The following NAV1 variants were observed in gnomAD, a reference collection of about 807,000 sequenced individuals.
NAV1 encodes neuron navigator 1, also known as pore membrane and/or filament interacting like protein 3.
A neutral mutation model predicts 175.2 loss-of-function variants in NAV1; 18 were observed. The observed-to-expected ratio is 0.10, with a 90% confidence interval of 0.07 to 0.15. The LOEUF is 0.15. Among genes scored for constraint, NAV1 ranks in the 10% least tolerant of loss-of-function variants. NAV1 has a pLI of 1.00. For missense variants in NAV1, 1,731 were observed against 2,436.6 expected (o/e 0.71, Z 6.10); for synonymous variants, 897 against 978.7 (o/e 0.92, Z 1.56).
intron 3 of NAV1, among the ~76,000 whole-genome samples, chr1:201,761,408 C>A (rs928207468): frequency 2.6e-5 from 4 of 152,188 alleles, no homozygotes; most frequent in Admixed American, 1.3e-4. Context: ...TTCACACCAG[C>A]AGTCTGGCCT....
At chr1:201,756,809 C>CT (rs1491290809) in intron 3 of NAV1, among the ~76,000 whole-genome samples, 36 of 27,004 alleles carry the variant, frequency 1.3e-3, no homozygotes, top group African/African-American at 3.0e-3. Context: ...TCTTTCTTTC[C>CT]TTCTTTCTTT....
chr1:201,631,707 T>G, intron 2 of NAV1, among the ~76,000 whole-genome samples: 1 of 152,376 alleles, frequency 6.6e-6, no homozygotes, highest in South Asian at 2.1e-4. Flanking sequence ...ATCCCATTTA[T>G]AGAAGGATAA....
At chr1:201,721,059 C>T (rs1434561588) in intron 3 of NAV1, among the ~76,000 whole-genome samples, 1 of 151,956 alleles carries the variant, frequency 6.6e-6, no homozygotes, top group African/African-American at 2.4e-5. Context: ...TGTGTGTTCC[C>T]GAATCCATTT....
rs1162794675 is a variant in NAV1 at position 201,784,567 on chromosome 1, C to CAATTTTTT, written c.2804+715_2804+716insAATTTTTT. Among the ~76,000 whole-genome samples, 5 of 109,730 alleles carry CAATTTTTT rather than the reference C, an allele frequency of 4.6e-5. 1 individual carries two copies. The highest frequency in any genetic ancestry group is 3.2e-5 in the African/African-American group (1 of 31,396). 72.0% of individuals were successfully genotyped at this position (109,730 alleles called of 152,430 possible). On this transcript the variant is annotated intron_variant, in intron 7 of 29. Coordinates refer to ENST00000367296, the Ensembl canonical transcript of NAV1. ...TAGTTTTTACCTACCATAATACGAT[C>CAATTTTTT]TATTTTTTTTTTTTTTTTGAGATGG...
chr1:201,764,348 C>G (rs528453252), intron 3 of NAV1, among the ~76,000 whole-genome samples: 40 of 152,260 alleles, frequency 2.6e-4, no homozygotes, highest in African/African-American at 7.9e-4. Flanking sequence ...ATCAAGGTGC[C>G]ATCTGGGTTG....
intron 3 of NAV1, chr1:201,739,870 A>G: frequency 7.8e-7 from 1 of 1,283,992 alleles, no homozygotes. Context: ...GGTGGTGGGG[A>G]GAAAAGGGAG....
intron 3 of NAV1, among the ~76,000 whole-genome samples, chr1:201,778,615 G>A (rs933023254): frequency 1.3e-5 from 2 of 152,268 alleles, no homozygotes; most frequent in Non-Finnish European, 2.9e-5. Flanking sequence ...ATTCAATAAC[G>A]GCTATATTTC....
chr1:201,763,513 AGGGGAAAGACT>A (rs1657850305), intron 3 of NAV1, among the ~76,000 whole-genome samples: 1 of 152,152 alleles, frequency 6.6e-6, no homozygotes, highest in Non-Finnish European at 1.5e-5. Context: ...GAAGTACAGG[AGGGGAAAGACT>A]TGGGGCAGAC....
chr1:201,725,748 G>A (rs1672580025), intron 3 of NAV1, among the ~76,000 whole-genome samples: 2 of 152,080 alleles, frequency 1.3e-5, no homozygotes, highest in African/African-American at 4.8e-5. Flanking sequence ...TTGAGACCAG[G>A]AGTTCAAGAC....
rs1665426987 is a variant in NAV1 at position 201,539,143 on chromosome 1, C to T, written c.-343C>T. On this transcript the variant is annotated 5_prime_UTR_variant, in exon 1 of 34. Coordinates refer to the NAV1 transcript ENST00000685211. This position sits in a 1 kb window ranked among gnomAD's most constrained non-coding sequence, Gnocchi z 5.6. ...TCCCTCCTCATTGTGGGGCCGGGGC[C>T]GGCGGCTGCCCTAGTGCGGGGCCCG... 6.6e-6 allele frequency among the ~76,000 whole-genome samples: 1 copy of T among 152,178 alleles called. No individual in the cohort carries two copies. Among genetic ancestry groups the T allele is most frequent in the Admixed American group, 6.5e-5 (1 of 15,284 alleles).
chr1:201,814,936 G>C (rs774024267), intron 28 of NAV1, among the ~76,000 whole-genome samples: 16 of 151,358 alleles, frequency 1.1e-4, no homozygotes, highest in Non-Finnish European at 2.2e-4. Flanking sequence ...CTACTCGGGA[G>C]GCTGAGGCAG....
intron 2 of NAV1, among the ~76,000 whole-genome samples, chr1:201,614,625 A>G (rs1667950462): frequency 6.6e-6 from 1 of 152,176 alleles, no homozygotes; most frequent in African/African-American, 2.4e-5. Context: ...GCAGAGCTTT[A>G]ATGGCCAGGT....
chr1:201,728,804 G>C (rs1490142322), intron 3 of NAV1, among the ~76,000 whole-genome samples: 1 of 152,086 alleles, frequency 6.6e-6, no homozygotes, highest in African/African-American at 2.4e-5. Context: ...CCCTCAGTCT[G>C]TGCAGCATTA....
In NAV1 at chr1:201,682,115, CAA is replaced by C. The variant is rs34550001; in HGVS notation, c.758-30682_758-30681del. Reference sequence around the variant, plus strand: ...TGGGTGACAGAGTGAGACTCCATCTCAAAAAAAAAAAAAAAAAAAAATCAGCC... The same window carrying C: ...TGGGTGACAGAGTGAGACTCCATCTCAAAAAAAAAAAAAAAAAAATCAGCC... On this transcript the variant is annotated intron_variant, in intron 1 of 29. Transcript: ENST00000367296. 6.1e-3 allele frequency among the ~76,000 whole-genome samples: 507 copies of C among 83,468 alleles called. 3 individuals carry two copies. The highest frequency in any genetic ancestry group is 0.02 in the African/African-American group (465 of 22,846). The allele number at this position is 83,468 out of a possible 152,430, so 54.8% of individuals were successfully genotyped here.
At chr1:201,628,902 T>C (rs1167301801) in intron 1 of NAV1, among the ~76,000 whole-genome samples, 1 of 152,100 alleles carries the variant, frequency 6.6e-6, no homozygotes, top group Non-Finnish European at 1.5e-5. Context: ...CCTCCTTCTT[T>C]CCTGACCTAC....
intron 1 of NAV1, among the ~76,000 whole-genome samples, chr1:201,540,142 C>T (rs1204091110): frequency 1.3e-5 from 2 of 152,104 alleles, no homozygotes; most frequent in Non-Finnish European, 2.9e-5. Flanking sequence ...CTGGAGAGGA[C>T]GCGAGTGGCG....
At chr1:201,825,211 C>T (rs907719244) in exon 30 of NAV1, 8 of 152,026 alleles carry the variant, frequency 5.3e-5, no homozygotes, top group Non-Finnish European at 1.0e-4. Context: ...GAAATTACTA[C>T]CTGGCACACA....
upstream of NAV1, chr1:201,648,178 A>G: frequency 1.1e-6 from 1 of 933,610 alleles, no homozygotes; most frequent in Non-Finnish European, 1.3e-6. Flanking sequence ...TCGGAGCTGC[A>G]GCCTGCAGCC....
At chr1:201,727,944 C>T (rs1479262160) in intron 3 of NAV1, among the ~76,000 whole-genome samples, 3 of 152,074 alleles carry the variant, frequency 2.0e-5, no homozygotes, top group Non-Finnish European at 4.4e-5. Context: ...GAGTCACAGG[C>T]GCCCACAGTC....
Sources: allele counts gnomAD v4.1 joint callset (sites outside exome capture counted in the v4.1 genomes callset), GRCh38; gene constraint gnomAD v4.1.1; non-coding constraint Gnocchi (gnomAD v3.1); transcripts MANE v1.5; gene names NCBI Gene and HGNC (gene_info 2026-07-23, HGNC 2026-07-21).